FER: variants seen among roughly 807,000 people sequenced by gnomAD.
The protein encoded by FER is FER tyrosine kinase.
FER carries 63 observed loss-of-function variants against 111.0 expected under a neutral mutation model. The observed-to-expected ratio is 0.57, with a 90% CI of 0.46 to 0.70. The LOEUF (loss-of-function observed/expected upper bound fraction) is 0.70, where lower values mean the gene tolerates loss of function less well. Among genes scored for constraint, FER ranks in the 30% least tolerant of loss-of-function variants. The pLI is 0.00. For synonymous variants in FER, 327 were observed against 313.9 expected (o/e 1.04, Z -0.44); for missense variants, 914 against 954.0 (o/e 0.96, Z 0.55).
At chr5:108,982,593 A>AT (rs1438846506) in intron 13 of FER, among the ~76,000 whole-genome samples, 1 of 151,976 alleles carries the variant, frequency 6.6e-6, no homozygotes, top group Non-Finnish European at 1.5e-5. Context: ...CATTAACACT[A>AT]TTTTTTCGGT....
At chr5:108,835,866 G>T in intron 5 of FER, 59 bp downstream of exon 5, 1 of 971,448 alleles carries the variant, frequency 1.0e-6, no homozygotes, top group Non-Finnish European at 1.5e-6. Flanking sequence ...CTGTTTGAAA[G>T]TTATCTTTGT....
intron 10 of FER, among the ~76,000 whole-genome samples, chr5:108,943,700 A>AT (rs1181184111): frequency 2.0e-5 from 3 of 151,860 alleles, no homozygotes; most frequent in Non-Finnish European, 4.4e-5. Flanking sequence ...TAATTTAGGT[A>AT]TTTTTTTAAT....
chr5:108,991,782 T>C (rs1763207611), intron 13 of FER, among the ~76,000 whole-genome samples: 2 of 152,124 alleles, frequency 1.3e-5, no homozygotes, highest in South Asian at 4.1e-4. Context: ...AGATATAACT[T>C]AGCCACAGAA....
In FER at chr5:109,108,693, A is replaced by G. The variant is rs914183475; in HGVS notation, c.2048+8174A>G. Among the ~76,000 whole-genome samples the G allele has an allele frequency of 3.9e-5, 6 of 152,310 alleles. No homozygotes were observed. The East Asian group carries it at 1.2e-3, about 29-fold the overall frequency. On this transcript the variant is annotated intron_variant, in intron 17 of 19. Coordinates refer to ENST00000281092, the MANE Select transcript of FER (RefSeq NM_005246.4). ...ATTGATTTGAGAATTCATGTTCTCAAGTCAAACCTGATTTATGATAAAGTA... is the reference window on the plus strand; with the variant it reads ...ATTGATTTGAGAATTCATGTTCTCAGGTCAAACCTGATTTATGATAAAGTA...
chr5:108,844,985 T>G (rs1761728450), intron 5 of FER, among the ~76,000 whole-genome samples: 1 of 34,928 alleles, frequency 2.9e-5, no homozygotes, highest in African/African-American at 1.9e-4. Flanking sequence ...TCATTGCTGG[T>G]GTGTGTGTGT....
intron 17 of FER, among the ~76,000 whole-genome samples, chr5:109,146,275 T>TATATATTATCTATCTA (rs1561954133): frequency 1.5e-4 from 9 of 61,568 alleles, no homozygotes; most frequent in Non-Finnish European, 2.2e-4. Context: ...TATATATATA[T>TATATATTATCTATCTA]ATATATATAT....
intron 17 of FER, among the ~76,000 whole-genome samples, chr5:109,115,137 T>C (rs115788835): frequency 0.01 from 1,586 of 152,278 alleles, 23 homozygotes; most frequent in African/African-American, 0.036. Flanking sequence ...TCTCAAGCCC[T>C]AACATAGTAG....
intron 2 of FER, among the ~76,000 whole-genome samples, chr5:108,778,472 C>T (rs1753724741): frequency 6.6e-6 from 1 of 152,200 alleles, no homozygotes; most frequent in Non-Finnish European, 1.5e-5. Flanking sequence ...TCCTGTTGTT[C>T]CACATCCTCA....
At chr5:108,769,297 G>A (rs1752645601) in intron 2 of FER, among the ~76,000 whole-genome samples, 1 of 152,076 alleles carries the variant, frequency 6.6e-6, no homozygotes, top group Admixed American at 6.6e-5. Flanking sequence ...GCAGGGGAAG[G>A]GAGTAGTTTT....
At chr5:108,781,082 C>A (rs185616912) in intron 2 of FER, among the ~76,000 whole-genome samples, 199 of 152,222 alleles carry the variant, frequency 1.3e-3, no homozygotes, top group African/African-American at 4.3e-3. Context: ...CCATTAGAAC[C>A]CTTAGCATAT....
At chr5:109,174,082 G>A (rs181964208) in intron 17 of FER, among the ~76,000 whole-genome samples, 33 of 152,258 alleles carry the variant, frequency 2.2e-4, no homozygotes, top group African/African-American at 6.7e-4. Flanking sequence ...ACAGCTGCAG[G>A]CTTCCTTTGG....
At chr5:109,035,036 T>TTC (rs1282351158) in intron 13 of FER, among the ~76,000 whole-genome samples, 1 of 147,140 alleles carries the variant, frequency 6.8e-6, no homozygotes, top group Non-Finnish European at 1.5e-5. Context: ...AATTGAACTT[T>TTC]TTTTTTTTTT....
At chr5:109,044,877 G>A (rs1245954077) in intron 15 of FER, 82 bp downstream of exon 15, 11 of 748,150 alleles carry the variant, frequency 1.5e-5, no homozygotes, top group Non-Finnish European at 2.2e-5. Flanking sequence ...ATCTTAAATT[G>A]TGATTTACTG....
rs1211584863 is a variant in FER, at chr5:109,186,048, T to C, written c.2204-152T>C. On this transcript the variant is annotated intron_variant, in intron 18 of 19. Transcript: ENST00000281092. ...CACTAGGCAATAGGAATTTTTTAGC[T>C]CCATTATACTGGGACCACTGTCATA... 3.8e-6 allele frequency: 4 copies of C among 1,061,084 alleles called. No homozygotes were observed. In the East Asian group the frequency reaches 7.2e-5, roughly 19 times the overall value. The allele number at this position is 1,061,084 out of a possible 1,614,324, so 65.7% of individuals were successfully genotyped here.
chr5:108,763,678 A>G (rs1302880659), intron 1 of FER, among the ~76,000 whole-genome samples: 1 of 152,214 alleles, frequency 6.6e-6, no homozygotes, highest in Non-Finnish European at 1.5e-5. Context: ...TACTGTCTCT[A>G]GCTTCCAAGG....
At position 109,186,223 on chromosome 5, in the gene FER, G is replaced by A. The variant is rs202063368; in HGVS notation, c.2227G>A (p.Val743Met). Residue 743 changes from valine to methionine, a missense_variant, in exon 19 of 20, where the codon GTG becomes ATG. Val to Met is a conservative substitution (Grantham distance 21). Transcript: ENST00000281092. ...AGGGAGATACAGTTCAGAGAGTGAC[G>A]TGTGGAGCTTTGGCATCCTTCTCTG... is the stretch of plus-strand genomic sequence containing the variant. ...NYGRYSSESD[V>M]WSFGILLWET... The A allele has an allele frequency of 9.3e-6, 15 of 1,614,138 alleles. No homozygotes were observed. The highest frequency in any genetic ancestry group is 4.5e-5 in the East Asian group (2 of 44,878).
rs1424933423 is a variant in FER, at chr5:109,194,464, G to C, written c.*6889G>C. 3 of 152,066 alleles carry C rather than the reference G, an allele frequency of 2.0e-5. No individual in the cohort carries two copies. Among genetic ancestry groups the C allele is most frequent in the Non-Finnish European group, 4.4e-5 (3 of 68,024 alleles). 9.4% of individuals were successfully genotyped at this position (152,066 alleles called of 1,614,324 possible). ...AAACACCACACCTATTTTCCTATTT[G>C]CTAAGAATCAGAATAAGCACGTTGT... On this transcript the variant is annotated 3_prime_UTR_variant, in exon 20 of 20. Coordinates refer to ENST00000281092, the MANE Select transcript of FER (RefSeq NM_005246.4).
At chr5:108,777,993 A>G (rs1451423816) in intron 2 of FER, among the ~76,000 whole-genome samples, 1 of 152,238 alleles carries the variant, frequency 6.6e-6, no homozygotes, top group Non-Finnish European at 1.5e-5. Context: ...GAACCAAATC[A>G]TATCAACTGT....
At chr5:108,869,932 A>G (rs1451186617) in intron 6 of FER, among the ~76,000 whole-genome samples, 1 of 152,166 alleles carries the variant, frequency 6.6e-6, no homozygotes, top group Non-Finnish European at 1.5e-5. Flanking sequence ...TAATTTGAAT[A>G]TGTAAACTTT....
Sources: allele counts gnomAD v4.1 joint callset (sites outside exome capture counted in the v4.1 genomes callset), GRCh38; gene constraint gnomAD v4.1.1; transcripts MANE v1.5; gene names NCBI Gene and HGNC (gene_info 2026-07-23, HGNC 2026-07-21).